The following CSMD1 variants were observed in gnomAD, a reference collection of about 807,000 sequenced individuals.
The protein encoded by CSMD1 is CUB and Sushi multiple domains 1.
CSMD1 carries 213 observed loss-of-function variants against 417.5 expected under a neutral mutation model. The observed-to-expected ratio is 0.51, with a 90% CI of 0.46 to 0.57. The LOEUF (loss-of-function observed/expected upper bound fraction) is 0.57. Ranked by LOEUF, CSMD1 falls within the 20% of genes least tolerant of loss-of-function variation. CSMD1 has a pLI of 0.00. For synonymous variants in CSMD1, 2,862 were observed against 1,736.8 expected, an observed-to-expected ratio of 1.65 and a Z score of -16.11; for missense variants, 6,923 against 4,529.7, an observed-to-expected ratio of 1.53 and a Z score of -15.17.
intron 30 of CSMD1, among the ~76,000 whole-genome samples, 157 bp from the exon 31 acceptor site, chr8:3,205,777 A>G (rs1797218915): frequency 1.3e-5 from 2 of 152,210 alleles, no homozygotes; most frequent in Admixed American, 6.5e-5. Flanking sequence ...TCAAAGTCAT[A>G]GAAAGACAAA....
chr8:4,124,531 C>A lies in CSMD1; in HGVS notation c.416-92432G>T, dbSNP rs546792161. ...GAGTGTGTCTTCAAGTATCAAAGCC[C>A]TGAGAACTTACAGAAGCTTTGTGGC... On this transcript the variant is annotated intron_variant, in intron 3 of 69. Transcript: ENST00000635120. Among the ~76,000 whole-genome samples, 10 of 152,260 alleles carry A rather than the reference C, an allele frequency of 6.6e-5. No individual in the cohort carries two copies. In the South Asian group the frequency reaches 1.9e-3, roughly 28 times the overall value.
chr8:3,128,491 C>G, intron 41 of CSMD1: 1 of 212,766 alleles, frequency 4.7e-6, no homozygotes, highest in South Asian at 6.9e-5. Context: ...GACAAGAATT[C>G]TCTGTATGAT....
At chr8:3,145,768 G>C (rs773852579) in intron 40 of CSMD1, among the ~76,000 whole-genome samples, 20 of 152,160 alleles carry the variant, frequency 1.3e-4, no homozygotes, top group Non-Finnish European at 1.9e-4. Flanking sequence ...TATTGTCTCA[G>C]AGAGTACTAA....
At chr8:4,704,974 T>C (rs1383001675) in intron 1 of CSMD1, among the ~76,000 whole-genome samples, 6 of 152,314 alleles carry the variant, frequency 3.9e-5, no homozygotes, top group South Asian at 2.1e-4. Context: ...TAACTTCCAA[T>C]TGTAATCCCT....
chr8:3,403,595 T>A (rs6993217), intron 15 of CSMD1, among the ~76,000 whole-genome samples: 79,706 of 152,076 alleles, frequency 0.52, 21,125 homozygotes, highest in Middle Eastern at 0.61. Flanking sequence ...GGTTGTAACA[T>A]ATCTGCAATC....
intron 3 of CSMD1, among the ~76,000 whole-genome samples, chr8:4,407,354 C>T (rs13253064): frequency 6.6e-6 from 1 of 152,158 alleles, no homozygotes; most frequent in South Asian, 2.1e-4. Flanking sequence ...TTTTTTAAAA[C>T]TCAATTTTTA....
intron 3 of CSMD1, among the ~76,000 whole-genome samples, chr8:4,268,477 C>A (rs532433908): frequency 6.6e-6 from 1 of 152,206 alleles, no homozygotes; most frequent in African/African-American, 2.4e-5. Flanking sequence ...TCGCTGCTTA[C>A]GTTTCTAAGT....
intron 5 of CSMD1, among the ~76,000 whole-genome samples, chr8:3,994,401 T>C (rs929196190): frequency 2.0e-5 from 3 of 148,166 alleles, no homozygotes; most frequent in African/African-American, 7.5e-5. Context: ...TTCTTCTTGA[T>C]ATTATTAGAA....
chr8:4,363,818 T>C (rs1344757414), intron 3 of CSMD1, among the ~76,000 whole-genome samples: 2 of 152,180 alleles, frequency 1.3e-5, no homozygotes, highest in African/African-American at 4.8e-5. Context: ...ATTCATCACA[T>C]GTTCTCACTT....
At chr8:3,418,510 G>C (rs979267546) in intron 12 of CSMD1, among the ~76,000 whole-genome samples, 2 of 151,984 alleles carry the variant, frequency 1.3e-5, no homozygotes, top group East Asian at 1.9e-4. Flanking sequence ...TATTTACTTG[G>C]CCAAATTCCC....
chr8:3,289,088 G>C (rs1387121287), intron 25 of CSMD1, among the ~76,000 whole-genome samples: 1 of 146,524 alleles, frequency 6.8e-6, no homozygotes, highest in East Asian at 2.0e-4. Flanking sequence ...TTAGTTTTTT[G>C]TCCTTGAGAT....
chr8:4,546,844 T>C (rs894025452), intron 2 of CSMD1, among the ~76,000 whole-genome samples: 8 of 152,080 alleles, frequency 5.3e-5, no homozygotes, highest in Non-Finnish European at 1.0e-4. Flanking sequence ...TAATACAACA[T>C]ATGCATATAT....
intron 5 of CSMD1, among the ~76,000 whole-genome samples, chr8:3,811,190 C>A (rs574031531): frequency 6.6e-5 from 10 of 151,932 alleles, no homozygotes; most frequent in Non-Finnish European, 4.4e-5. Flanking sequence ...TTTTTCTATT[C>A]GAATTATTTT....
intron 5 of CSMD1, among the ~76,000 whole-genome samples, chr8:3,818,735 G>C (rs138873786): frequency 4.6e-4 from 70 of 152,278 alleles, no homozygotes; most frequent in Non-Finnish European, 7.1e-4. Context: ...AGAGGAATTT[G>C]ATCAAGATAG....
At chr8:3,302,637 C>A (rs189632534) in intron 25 of CSMD1, among the ~76,000 whole-genome samples, 2 of 152,162 alleles carry the variant, frequency 1.3e-5, no homozygotes, top group African/African-American at 4.8e-5. Flanking sequence ...TGAGAATGCA[C>A]TGAATAGCAG....
chr8:4,209,416 G>T (rs1800170779), intron 3 of CSMD1, among the ~76,000 whole-genome samples: 1 of 152,134 alleles, frequency 6.6e-6, no homozygotes, highest in Non-Finnish European at 1.5e-5. Context: ...CTGTGGAATT[G>T]TATGAGGTGT....
At chr8:3,755,274 A>C (rs1003626273) in intron 5 of CSMD1, among the ~76,000 whole-genome samples, 9 of 152,194 alleles carry the variant, frequency 5.9e-5, no homozygotes, top group African/African-American at 2.2e-4. Context: ...GATCATGTTT[A>C]TGAACCTCTG....
At chr8:3,925,817 A>T (rs1307288423) in intron 5 of CSMD1, among the ~76,000 whole-genome samples, 2 of 152,012 alleles carry the variant, frequency 1.3e-5, no homozygotes, top group Non-Finnish European at 2.9e-5. Flanking sequence ...CAGCAGCATT[A>T]AAACCAACTA....
At chr8:3,792,738 G>C (rs1441549080) in intron 5 of CSMD1, among the ~76,000 whole-genome samples, 2 of 152,110 alleles carry the variant, frequency 1.3e-5, no homozygotes, top group East Asian at 3.9e-4. Flanking sequence ...CAACCAGAAT[G>C]CTCATTTTCT....
Sources: gnomAD v4.1 joint callset for allele counts (sites outside exome capture counted in the v4.1 genomes callset) on GRCh38, gnomAD v4.1.1 for gene constraint, MANE v1.5 for transcripts, NCBI Gene and HGNC (gene_info 2026-07-23, HGNC 2026-07-21) for gene names.